The following ITPK1 variants were observed in gnomAD, a reference collection of about 807,000 sequenced individuals.
The protein encoded by ITPK1 is inositol-tetrakisphosphate 1-kinase.
A neutral mutation model predicts 45.3 loss-of-function variants in ITPK1; 21 were observed. The observed-to-expected ratio is 0.46, with a 90% CI of 0.33 to 0.67. ITPK1 has a LOEUF of 0.67. Among genes scored for constraint, ITPK1 ranks in the 30% least tolerant of loss-of-function variants. The probability of loss-of-function intolerance (pLI) is 0.02; values close to 1 mark genes in which losing one functional copy is unlikely to be tolerated. For missense variants in ITPK1, 474 were observed against 573.5 expected, an observed-to-expected ratio of 0.83 and a Z score of 1.77; for synonymous variants, 258 against 253.6, an observed-to-expected ratio of 1.02 and a Z score of -0.16.
intron 5 of ITPK1, among the ~76,000 whole-genome samples, chr14:92,972,063 A>ATT (rs1263423869): frequency 1.3e-5 from 2 of 152,082 alleles, no homozygotes; most frequent in African/African-American, 4.8e-5. Flanking sequence ...TCACTCCATA[A>ATT]TCATCATCTC....
intron 2 of ITPK1, among the ~76,000 whole-genome samples, chr14:93,101,449 T>C (rs1400000494): frequency 6.6e-6 from 1 of 152,286 alleles, no homozygotes; most frequent in African/African-American, 2.4e-5. Flanking sequence ...GAAGGGAAGT[T>C]TGCATGTGCT....
intron 8 of ITPK1, among the ~76,000 whole-genome samples, chr14:92,955,871 C>T (rs1190181257): frequency 1.3e-5 from 2 of 152,170 alleles, no homozygotes; most frequent in African/African-American, 4.8e-5. Context: ...GGCCAGAGTC[C>T]CAAACCCCCT....
rs137909167 is a variant in ITPK1 at position 92,946,259 on chromosome 14, G to A, written c.901+72C>T. The A allele has an allele frequency of 8.7e-5, 136 of 1,556,398 alleles. 1 individual carries two copies. In the African/African-American group the frequency reaches 9.2e-4, roughly 10 times the overall value. ...CTGGCTTTCTGGCCTCAGTCACCCC[G>A]CCTCACCTGCCTGGTCACCTGAGGA... On this transcript the variant is annotated intron_variant, in intron 10 of 10. Transcript: ENST00000267615.
In ITPK1 at chr14:92,939,530, G is replaced by T; in HGVS notation, c.*2031C>A. ...CATGTAGCTCCCAGGCCTTTACGAAGCAAATCTCCATCCTCCATCTCCACT... is the reference window on the plus strand; with the variant it reads ...CATGTAGCTCCCAGGCCTTTACGAATCAAATCTCCATCCTCCATCTCCACT... On this transcript the variant is annotated 3_prime_UTR_variant, in exon 11 of 11. Transcript: ENST00000267615. 3.4e-6 allele frequency: 1 copy of T among 295,344 alleles called. No homozygotes were observed. The allele number at this position is 295,344 out of a possible 1,614,324, so 18.3% of individuals were successfully genotyped here. A position where few individuals can be genotyped will look rare whatever the true frequency, so the allele number is the denominator to read the frequency against.
At chr14:93,007,354 A>G (rs1240037330) in intron 4 of ITPK1, among the ~76,000 whole-genome samples, 1 of 53,220 alleles carries the variant, frequency 1.9e-5, no homozygotes, top group African/African-American at 6.7e-5. Flanking sequence ...CACCCACCCC[A>G]CCCTGGCCCA....
chr14:93,092,284 T>TA (rs1308651432), intron 2 of ITPK1, among the ~76,000 whole-genome samples: 1 of 152,144 alleles, frequency 6.6e-6, no homozygotes, highest in Non-Finnish European at 1.5e-5. Flanking sequence ...CAGGGTCCCC[T>TA]ACAAGGACCA....
intron 8 of ITPK1, among the ~76,000 whole-genome samples, chr14:92,957,042 A>G (rs1257218761): frequency 2.0e-5 from 3 of 152,212 alleles, no homozygotes; most frequent in East Asian, 3.8e-4. Flanking sequence ...GCATGTGTCC[A>G]TGGAAAGAGA....
At chr14:93,026,509 G>C (rs943264438) in intron 3 of ITPK1, among the ~76,000 whole-genome samples, 6 of 152,182 alleles carry the variant, frequency 3.9e-5, no homozygotes, top group African/African-American at 1.2e-4. Context: ...AGACTGTATC[G>C]GCCAGGGCTG....
chr14:93,043,601 G>T (rs1026743596), intron 3 of ITPK1, among the ~76,000 whole-genome samples: 1 of 152,232 alleles, frequency 6.6e-6, no homozygotes, highest in African/African-American at 2.4e-5. Context: ...AGTGCACCAG[G>T]CAGGAATGTG....
chr14:92,972,780 G>T (rs903310374), intron 5 of ITPK1, among the ~76,000 whole-genome samples: 1 of 152,140 alleles, frequency 6.6e-6, no homozygotes, highest in African/African-American at 2.4e-5. Flanking sequence ...TAGTAGAGAC[G>T]GGGTTTTGCC....
rs753345798 is a variant in ITPK1 at position 93,063,532 on chromosome 14, C to T, written c.120+13063G>A. 4.6e-5 allele frequency among the ~76,000 whole-genome samples: 7 copies of T among 152,198 alleles called. No homozygotes were observed. Among genetic ancestry groups the T allele is most frequent in the Non-Finnish European group, 1.0e-4 (7 of 68,030 alleles). On this transcript the variant is annotated intron_variant, in intron 3 of 10. Coordinates refer to ENST00000267615, the MANE Select transcript of ITPK1 (RefSeq NM_014216.6). This position sits in a 1 kb window ranked among gnomAD's most constrained non-coding sequence, Gnocchi z 4.3. ...GAGTTTTAGAAGGCCTTCTCACTTG[C>T]CCTCCCCTCGTCTCAATCATCCATC...
intron 5 of ITPK1, among the ~76,000 whole-genome samples, chr14:92,989,930 ACT>A (rs1243793005): frequency 6.6e-6 from 1 of 152,176 alleles, no homozygotes; most frequent in South Asian, 2.1e-4. Context: ...CAAAGAGGGG[ACT>A]GCTGCTGAGG....
At chr14:92,948,553 G>C (rs1173889852) in intron 9 of ITPK1, among the ~76,000 whole-genome samples, 1 of 151,970 alleles carries the variant, frequency 6.6e-6, no homozygotes, top group African/African-American at 2.4e-5. Context: ...TCCCAGGCTG[G>C]TCTCAAACTC....
intron 4 of ITPK1, among the ~76,000 whole-genome samples, chr14:93,002,523 A>C (rs1887404003): frequency 6.6e-6 from 1 of 152,088 alleles, no homozygotes. Context: ...CTCAACTCTA[A>C]CTAGGGCCAG....
chr14:93,113,073 T>G (rs74993110), intron 2 of ITPK1, among the ~76,000 whole-genome samples: 1 of 152,220 alleles, frequency 6.6e-6, no homozygotes, highest in Non-Finnish European at 1.5e-5. Context: ...GCTTAAGTGA[T>G]AAAATATCTA....
chr14:93,031,454 G>A (rs991704782), intron 3 of ITPK1, among the ~76,000 whole-genome samples: 2 of 152,210 alleles, frequency 1.3e-5, no homozygotes, highest in Non-Finnish European at 2.9e-5. Context: ...TTCATACATG[G>A]CAGTTGCCAT....
At chr14:92,945,686 G>A (rs4905014) in intron 10 of ITPK1, among the ~76,000 whole-genome samples, 2 of 152,186 alleles carry the variant, frequency 1.3e-5, no homozygotes, top group Non-Finnish European at 2.9e-5. Flanking sequence ...TCACACCATC[G>A]TTCCTCATGC....
At chr14:93,018,247 G>A (rs557138623) in intron 3 of ITPK1, among the ~76,000 whole-genome samples, 2 of 152,222 alleles carry the variant, frequency 1.3e-5, no homozygotes, top group Admixed American at 6.5e-5. Flanking sequence ...CCCCCATGGA[G>A]CAGGGCAGCC....
chr14:93,024,065 G>A (rs145716448), intron 3 of ITPK1, among the ~76,000 whole-genome samples: 1 of 152,332 alleles, frequency 6.6e-6, no homozygotes, highest in African/African-American at 2.4e-5. Context: ...AAAAAAGGGA[G>A]CATAAAAGGG....
Sources: allele counts gnomAD v4.1 joint callset (sites outside exome capture counted in the v4.1 genomes callset), GRCh38; gene constraint gnomAD v4.1.1; non-coding constraint Gnocchi (gnomAD v3.1); transcripts MANE v1.5; gene names NCBI Gene and HGNC (gene_info 2026-07-23, HGNC 2026-07-21).